Variants in MIS18A observed in about 807,000 individuals in gnomAD.
MIS18A encodes protein Mis18-alpha.
Under a neutral mutation model 25.0 loss-of-function variants are expected in MIS18A, and 14 were observed. That is an observed-to-expected ratio of 0.56 (90% confidence interval 0.37 to 0.88). The LOEUF (loss-of-function observed/expected upper bound fraction) is 0.88. Ranked by LOEUF, MIS18A falls within the 40% of genes least tolerant of loss-of-function variation. The probability of loss-of-function intolerance (pLI) is 0.00; values close to 1 mark genes in which losing one functional copy is unlikely to be tolerated. For missense variants in MIS18A, 292 were observed against 290.8 expected (o/e 1.00, Z -0.03); for synonymous variants, 134 against 118.6 (o/e 1.13, Z -0.84).
the MIS18A span, among the ~76,000 whole-genome samples, chr21:32,237,166 T>C: frequency 6.6e-6 from 1 of 151,986 alleles, no homozygotes; most frequent in Non-Finnish European, 1.5e-5. Context: ...ATTCATGGTC[T>C]CTTTCTTCTC....
At chr21:32,177,121 G>T in the MIS18A span, among the ~76,000 whole-genome samples, 4 of 152,228 alleles carry the variant, frequency 2.6e-5, no homozygotes, top group African/African-American at 9.6e-5. Context: ...GATCAAGTGG[G>T]TTTATTCCAG....
the MIS18A span, among the ~76,000 whole-genome samples, chr21:32,233,185 T>C: frequency 1.3e-5 from 2 of 152,240 alleles, no homozygotes; most frequent in Non-Finnish European, 2.9e-5. Flanking sequence ...ATGAGTTCAA[T>C]GAGTTCAGCT....
At chr21:32,212,790 C>T in the MIS18A span, among the ~76,000 whole-genome samples, 461 of 152,002 alleles carry the variant, frequency 3.0e-3, 3 homozygotes, top group African/African-American at 1.0e-2. Context: ...TGAGAGTTGA[C>T]GGTTTTATAA....
the MIS18A span, among the ~76,000 whole-genome samples, chr21:32,246,157 C>T: frequency 6.6e-6 from 1 of 152,134 alleles, no homozygotes; most frequent in African/African-American, 2.4e-5. Flanking sequence ...AGAAATCCGC[C>T]CCATCATCAA....
At chr21:32,224,117 G>A in the MIS18A span, among the ~76,000 whole-genome samples, 54 of 151,816 alleles carry the variant, frequency 3.6e-4, no homozygotes, top group Admixed American at 3.5e-3. Flanking sequence ...AGGTATTGAT[G>A]GGACATATTT....
the MIS18A span, among the ~76,000 whole-genome samples, chr21:32,250,053 C>CT: frequency 6.6e-6 from 1 of 152,100 alleles, no homozygotes; most frequent in African/African-American, 2.4e-5. Context: ...AACAGAAGTG[C>CT]TATCTCCTAA....
chr21:32,223,867 C>G, the MIS18A span, among the ~76,000 whole-genome samples: 1 of 152,164 alleles, frequency 6.6e-6, no homozygotes, highest in Admixed American at 6.5e-5. Context: ...AACATCAATG[C>G]AAAAATCCTC....
the MIS18A span, among the ~76,000 whole-genome samples, chr21:32,241,188 T>A: frequency 6.6e-6 from 1 of 152,226 alleles, no homozygotes; most frequent in South Asian, 2.1e-4. Flanking sequence ...TACAATGTCA[T>A]GACTGAAAAC....
At chr21:32,171,426 C>T in the MIS18A span, among the ~76,000 whole-genome samples, 1 of 151,890 alleles carries the variant, frequency 6.6e-6, no homozygotes, top group Non-Finnish European at 1.5e-5. Flanking sequence ...TACTTAGAAA[C>T]AAATTTAACA....
the MIS18A span, among the ~76,000 whole-genome samples, chr21:32,238,464 G>A: frequency 1.3e-5 from 2 of 152,124 alleles, no homozygotes; most frequent in African/African-American, 4.8e-5. Context: ...CTTTACTTCA[G>A]TCTGGAAATA....
chr21:32,162,791 C>G, the MIS18A span, among the ~76,000 whole-genome samples: 1 of 152,116 alleles, frequency 6.6e-6, no homozygotes, highest in Admixed American at 6.5e-5. Flanking sequence ...CAGGAACGTA[C>G]AGCTCCCGAA....
chr21:32,220,448 C>T, the MIS18A span, among the ~76,000 whole-genome samples: 3 of 152,104 alleles, frequency 2.0e-5, no homozygotes, highest in African/African-American at 4.8e-5. Context: ...ACAAAAAGGA[C>T]GCCCACGCAA....
chr21:32,192,590 A>G, the MIS18A span, among the ~76,000 whole-genome samples: 1 of 152,048 alleles, frequency 6.6e-6, no homozygotes, highest in South Asian at 2.1e-4. Flanking sequence ...TCTCTCGTGG[A>G]TTCACCTCCC....
chr21:32,254,103 T>C, the MIS18A span, among the ~76,000 whole-genome samples: 2 of 152,100 alleles, frequency 1.3e-5, no homozygotes, highest in Middle Eastern at 3.2e-3. Flanking sequence ...TGGTGGTGTG[T>C]GCCTGTAGTC....
At chr21:32,180,438 CT>C in the MIS18A span, among the ~76,000 whole-genome samples, 1 of 152,192 alleles carries the variant, frequency 6.6e-6, no homozygotes, top group Admixed American at 6.5e-5. Context: ...ATCCTTTTCC[CT>C]TCCCCACCAA....
the MIS18A span, among the ~76,000 whole-genome samples, chr21:32,163,254 A>AT: frequency 6.6e-6 from 1 of 152,162 alleles, no homozygotes; most frequent in Non-Finnish European, 1.5e-5. Context: ...TTTCCACTTC[A>AT]TTTTTTGCTG....
the MIS18A span, among the ~76,000 whole-genome samples, chr21:32,262,780 G>C: frequency 6.6e-6 from 1 of 152,158 alleles, no homozygotes; most frequent in African/African-American, 2.4e-5. Flanking sequence ...AATTAGTAGA[G>C]GTCCACAGAG....
At chr21:32,222,948 A>G in the MIS18A span, among the ~76,000 whole-genome samples, 1 of 150,726 alleles carries the variant, frequency 6.6e-6, no homozygotes, top group East Asian at 1.9e-4. Context: ...AAAAAAAAAA[A>G]AAAAAAGAAA....
At chr21:32,214,703 T>C in the MIS18A span, among the ~76,000 whole-genome samples, 1 of 152,304 alleles carries the variant, frequency 6.6e-6, no homozygotes, top group South Asian at 2.1e-4. Context: ...AAAACAAGGA[T>C]ACAGAAATAA....
Sources: gnomAD v4.1 joint callset for allele counts (sites outside exome capture counted in the v4.1 genomes callset) on GRCh38, gnomAD v4.1.1 for gene constraint, MANE v1.5 for transcripts, NCBI Gene and HGNC (gene_info 2026-07-23, HGNC 2026-07-21) for gene names.